Variants in SBF1 observed in about 807,000 individuals in gnomAD.
The protein encoded by SBF1 is myotubularin-related protein 5.
Under a neutral mutation model 215.8 loss-of-function variants are expected in SBF1, and 65 were observed. The observed-to-expected ratio is 0.30, with a 90% CI of 0.25 to 0.37. The LOEUF (loss-of-function observed/expected upper bound fraction) is 0.37. SBF1 is among the 10% of genes least tolerant of loss of function. SBF1 has a pLI of 1.00. For missense variants in SBF1, 2,634 were observed against 2,667.8 expected, an observed-to-expected ratio of 0.99 and a Z score of 0.28; for synonymous variants, 1,410 against 1,122.8, an observed-to-expected ratio of 1.26 and a Z score of -5.11.
intron 1 of SBF1, among the ~76,000 whole-genome samples, chr22:50,469,947 C>T (rs886929885): frequency 3.9e-5 from 6 of 152,266 alleles, no homozygotes; most frequent in Admixed American, 1.3e-4. Flanking sequence ...GATGGTGGGG[C>T]GGTGAGGGGC....
chr22:50,449,695 GA>G (rs980550601), intron 36 of SBF1, among the ~76,000 whole-genome samples: 1 of 151,192 alleles, frequency 6.6e-6, no homozygotes, highest in African/African-American at 2.4e-5. Context: ...AAAACAAAGA[GA>G]AAAGTCCCAA....
At chr22:50,468,339 C>G (rs1204707931) in intron 2 of SBF1, 37 bp downstream of exon 2, 1 of 1,594,962 alleles carries the variant, frequency 6.3e-7, no homozygotes, top group Non-Finnish European at 8.6e-7. Context: ...CTGCCCTCCC[C>G]ACCTGCCAGC....
At chr22:50,469,782 G>T (rs529974983) in intron 1 of SBF1, among the ~76,000 whole-genome samples, 1 of 151,686 alleles carries the variant, frequency 6.6e-6, no homozygotes, top group South Asian at 2.1e-4. Context: ...CCCACATCCA[G>T]CATGCCTGGT....
intron 9 of SBF1, 56 bp from the exon 10 acceptor site, chr22:50,465,896 C>G: frequency 6.2e-7 from 1 of 1,609,706 alleles, no homozygotes; most frequent in East Asian, 2.2e-5. Flanking sequence ...CTAGGCTCCC[C>G]GTGCTGCCAG....
rs368625733 is a variant in SBF1, at chr22:50,467,558, G to A, written c.412C>T (p.Arg138Ter). The part of the protein sequence containing the change: ...FAPKTLVLVS[R>*]LDHTEVFRNS... ...CTGAACACCTCCGTGTGGTCGAGTC[G>A]CGACACCAGTACCAGCGTCTTCGGT... The change falls in exon 4 of 41, where the codon CGA becomes TGA. Residue 138 changes from arginine to a stop codon, truncating the protein, a stop_gained. Transcript: ENST00000380817. LOFTEE classifies it high-confidence loss of function. 7 of 1,614,142 alleles carry A rather than the reference G, an allele frequency of 4.3e-6. No individual in the cohort carries two copies. Among genetic ancestry groups the A allele is most frequent in the Non-Finnish European group, 5.1e-6 (6 of 1,180,006 alleles).
In SBF1 at chr22:50,462,681, A is replaced by G. The variant is rs1191843240; in HGVS notation, c.2005T>C (p.Cys669Arg). ...CTCCACACCACGTGCTCCTGCACACAGCTGTATGCAAACTGCGTCACCCCC... is the reference window on the plus strand; with the variant it reads ...CTCCACACCACGTGCTCCTGCACACGGCTGTATGCAAACTGCGTCACCCCC... Reference protein sequence around the residue: ...SPGVTQFAYSCVQEHVVWSTP... With the variant: ...SPGVTQFAYSRVQEHVVWSTP... The change falls in exon 18 of 41, where the codon TGT becomes CGT. Residue 669 changes from cysteine to arginine, a missense_variant. Physicochemically the swap from Cys to Arg is radical, Grantham distance 180. Coordinates refer to ENST00000380817, the MANE Select transcript of SBF1 (RefSeq NM_002972.4). 1 of 1,612,360 alleles carries G rather than the reference A, an allele frequency of 6.2e-7. No individual in the cohort carries two copies. The highest frequency in any genetic ancestry group is 8.5e-7 in the Non-Finnish European group (1 of 1,179,572).
At chr22:50,474,589 C>A (rs1167179016) in intron 1 of SBF1, among the ~76,000 whole-genome samples, 197 bp downstream of exon 1, 1 of 147,412 alleles carries the variant, frequency 6.8e-6, no homozygotes, top group Non-Finnish European at 1.5e-5. Flanking sequence ...CCTCAGTCCT[C>A]GGCTCCCCCG....
At chr22:50,457,843 T>C (rs537240851) in intron 28 of SBF1, among the ~76,000 whole-genome samples, 1 of 152,310 alleles carries the variant, frequency 6.6e-6, no homozygotes, top group South Asian at 2.1e-4. Context: ...AGAGAGGCAA[T>C]GTCCCCTCGT....
In SBF1 at chr22:50,464,800, C is replaced by T. The variant is rs760399738; in HGVS notation, c.1431+19G>A. 22 of 1,613,038 alleles carry T rather than the reference C, an allele frequency of 1.4e-5. No individual in the cohort carries two copies. The highest frequency in any genetic ancestry group is 3.3e-5 in the Admixed American group (2 of 59,972). On this transcript the variant is annotated intron_variant, in intron 13 of 40. Transcript: ENST00000380817. ...GGATCAAGGCGGTACGACGCCCTCCCGTCCTGCTACCCTCGTACGTTCTTG... is the reference window on the plus strand; with the variant it reads ...GGATCAAGGCGGTACGACGCCCTCCTGTCCTGCTACCCTCGTACGTTCTTG...
chr22:50,462,911 T>G lies in SBF1; in HGVS notation c.1927A>C (p.Ile643Leu). 6.2e-7 allele frequency: 1 copy of G among 1,613,216 alleles called. No individual in the cohort carries two copies. Among genetic ancestry groups the G allele is most frequent in the South Asian group, 1.1e-5 (1 of 91,032 alleles). ...ACCAGAGGCAGCAGAGCCGCCGCAA[T>G]GCCATGCTCGTCCAGAGAAGTGCAG... ...QDCTSLDEHG[I>L]AAALLPLVTA... Residue 643 changes from isoleucine to leucine, a missense_variant, in exon 17 of 41, where the codon ATT becomes CTT. Coordinates refer to ENST00000380817, the MANE Select transcript of SBF1 (RefSeq NM_002972.4).
rs1053744 is a variant in SBF1 at position 50,447,346 on chromosome 22, A to C, written c.5559T>G (p.Thr1853=). Residue 1853 remains threonine, a synonymous_variant, in exon 40 of 41, where the codon ACT becomes ACG. Coordinates refer to ENST00000380817, the MANE Select transcript of SBF1 (RefSeq NM_002972.4). The part of the protein sequence containing the change: ...PGTPTMGAPK[T]VDEKAFFDVK... Reference sequence around the variant, plus strand: ...CGTCAAAGAAGGCCTTCTCGTCCACAGTCTTAGGGGCACCCATAGTGGGCG... The same window carrying C: ...CGTCAAAGAAGGCCTTCTCGTCCACCGTCTTAGGGGCACCCATAGTGGGCG... 1 of 1,613,714 alleles carries C rather than the reference A, an allele frequency of 6.2e-7. No homozygotes were observed. Among genetic ancestry groups the C allele is most frequent in the Middle Eastern group, 1.6e-4 (1 of 6,062 alleles).
chr22:50,466,495 G>C lies in SBF1; in HGVS notation c.656-13C>G. 1 of 1,537,632 alleles carries C rather than the reference G, an allele frequency of 6.5e-7. No homozygotes were observed. Among genetic ancestry groups the C allele is most frequent in the Non-Finnish European group, 8.8e-7 (1 of 1,137,614 alleles). On this transcript the variant is annotated splice_polypyrimidine_tract_variant and intron_variant, in intron 6 of 40. Coordinates refer to ENST00000380817, the MANE Select transcript of SBF1 (RefSeq NM_002972.4). ...ACGTTGGTGATGCCTAAAGGAAGAA[G>C]AGAAGCTTGGAGAGGACCCTGGGCC...
At chr22:50,456,709 G>A (rs748399620) in intron 29 of SBF1, 36 bp from the exon 30 acceptor site, 4 of 1,437,326 alleles carry the variant, frequency 2.8e-6, no homozygotes, top group East Asian at 5.1e-5. Context: ...CCCAAAGGGG[G>A]CCAGGGCACC....
chr22:50,456,459 A>ACCCCCCCCCCC, intron 30 of SBF1, 33 bp downstream of exon 30: 1 of 622,632 alleles, frequency 1.6e-6, no homozygotes, highest in Non-Finnish European at 2.4e-6. Flanking sequence ...CCGAGCCCCC[A>ACCCCCCCCCCC]CCCTCACCCC....
intron 23 of SBF1, 54 bp from the exon 24 acceptor site, chr22:50,460,766 C>A: frequency 6.4e-7 from 1 of 1,556,210 alleles, no homozygotes; most frequent in South Asian, 1.1e-5. Flanking sequence ...AGCCCCTCCC[C>A]CAACTCTGAC....
chr22:50,473,496 C>T (rs1033933028), intron 1 of SBF1, among the ~76,000 whole-genome samples: 1 of 152,198 alleles, frequency 6.6e-6, no homozygotes, highest in African/African-American at 2.4e-5. Context: ...AAGACAGATG[C>T]TCATGACTGA....
intron 38 of SBF1, 121 bp downstream of exon 38, chr22:50,448,112 T>C: frequency 2.3e-6 from 2 of 867,154 alleles, no homozygotes; most frequent in Non-Finnish European, 1.8e-6. Flanking sequence ...CCCCTCCCAG[T>C]GGTGGTGTAT....
Position 50,462,732 on chromosome 22 carries a change from G to A in SBF1, c.1969-15C>T. On this transcript the variant is annotated splice_polypyrimidine_tract_variant and intron_variant, in intron 17 of 40. Transcript: ENST00000380817. The stretch of plus-strand genomic sequence containing the variant: ...GGGCTCAGCTTCTGCAGGAGCCAGG[G>A]GAGAAGGTCAGCTGGATGCAGCCAG... 13 of 1,610,820 alleles carry A rather than the reference G, an allele frequency of 8.1e-6. No individual in the cohort carries two copies. Among genetic ancestry groups the A allele is most frequent in the African/African-American group, 1.3e-5 (1 of 75,030 alleles).
chr22:50,457,037 G>T lies in SBF1; in HGVS notation c.3901C>A (p.Arg1301=), dbSNP rs763953503. ...CTGCGCAGGCTCGGTACGGTACCTC[G>T]GGGTGCGGTCCGTCTGGAGGCCGAG... ...AASASRRTAP[R]GKWGSVRTSG... Residue 1301 remains arginine (R), a synonymous_variant, in exon 29 of 41, where the codon CGA becomes AGA. Transcript: ENST00000380817. 2.4e-5 allele frequency: 35 copies of T among 1,437,450 alleles called. 1 individual carries two copies. The Admixed American group carries it at 9.5e-4, about 39-fold the overall frequency. The allele number at this position is 1,437,450 out of a possible 1,614,324, so 89.0% of individuals were successfully genotyped here.
Sources: gnomAD v4.1 joint callset for allele counts (sites outside exome capture counted in the v4.1 genomes callset) on GRCh38, gnomAD v4.1.1 for gene constraint, MANE v1.5 for transcripts, NCBI Gene and HGNC (gene_info 2026-07-23, HGNC 2026-07-21) for gene names.